The following GSE1 variants were observed in gnomAD, a reference collection of about 807,000 sequenced individuals.
GSE1 encodes the protein genetic suppressor element 1.
A neutral mutation model predicts 112.6 loss-of-function variants in GSE1; 32 were observed. The ratio of observed to expected loss-of-function variants is 0.28; its 90% CI spans 0.21 to 0.38. The LOEUF (loss-of-function observed/expected upper bound fraction) is 0.38, where lower values mean the gene tolerates loss of function less well. GSE1 is among the 10% of genes least tolerant of loss of function. The pLI, the probability that GSE1 is intolerant of heterozygous loss-of-function variation, is 1.00. For synonymous variants in GSE1, 1,115 were observed against 735.6 expected (o/e 1.52, Z -8.35); for missense variants, 2,348 against 1,699.2 (o/e 1.38, Z -6.71).
upstream of GSE1, among the ~76,000 whole-genome samples, chr16:85,609,282 A>G (rs115845196): frequency 0.024 from 3,654 of 152,300 alleles, 135 homozygotes; most frequent in African/African-American, 0.072. Context: ...TCTGTGGCTC[A>G]AGCTGGAGTG....
At chr16:85,582,707 G>C (rs2046503282) in intron 1 of GSE1, among the ~76,000 whole-genome samples, 1 of 152,108 alleles carries the variant, frequency 6.6e-6, no homozygotes, top group Non-Finnish European at 1.5e-5. Flanking sequence ...CCACGGTTCA[G>C]GGCGTCGGGG....
chr16:85,192,665 A>G (rs2074847853), intron 1 of GSE1, among the ~76,000 whole-genome samples: 1 of 152,152 alleles, frequency 6.6e-6, no homozygotes, highest in Non-Finnish European at 1.5e-5. Flanking sequence ...CTCGTCGGGC[A>G]CTGGGGAGCC....
rs557627364 is a variant in GSE1 at position 85,625,470 on chromosome 16, G to A, written c.8-8444G>A. Among the ~76,000 whole-genome samples the A allele has an allele frequency of 7.9e-4, 120 of 152,260 alleles. No homozygotes were observed. The Middle Eastern group carries it at 0.01, about 13-fold the overall frequency. On this transcript the variant is annotated intron_variant, in intron 1 of 15. Transcript: ENST00000253458. ...GCTGTCCTCAAAACTGTAGTGTGGCGTCCAACCTGGGAAGCCCCTCCAGGT... is the reference window on the plus strand; with the variant it reads ...GCTGTCCTCAAAACTGTAGTGTGGCATCCAACCTGGGAAGCCCCTCCAGGT...
intron 1 of GSE1, among the ~76,000 whole-genome samples, chr16:85,564,247 G>T (rs1478259839): frequency 6.6e-6 from 1 of 152,168 alleles, no homozygotes; most frequent in African/African-American, 2.4e-5. Flanking sequence ...GGTGAGTGAG[G>T]CTGGGAGGAA....
At chr16:85,646,031 C>T (rs542267162) in intron 2 of GSE1, among the ~76,000 whole-genome samples, 1 of 147,078 alleles carries the variant, frequency 6.8e-6, no homozygotes, top group Non-Finnish European at 1.5e-5. Flanking sequence ...GCTTTCTATG[C>T]ATGCATTCTA....
At chr16:85,580,861 C>T (rs1015297480) in intron 1 of GSE1, among the ~76,000 whole-genome samples, 1 of 152,238 alleles carries the variant, frequency 6.6e-6, no homozygotes, top group Non-Finnish European at 1.5e-5. Context: ...AGGGAGCCCT[C>T]CACGGAAATC....
upstream of GSE1, among the ~76,000 whole-genome samples, chr16:85,553,642 G>C (rs889908501): frequency 6.6e-6 from 1 of 151,954 alleles, no homozygotes; most frequent in Non-Finnish European, 1.5e-5. Flanking sequence ...CGCAGCCACC[G>C]AGCTGCTGGC....
chr16:85,635,442 G>A (rs144463411), intron 2 of GSE1, among the ~76,000 whole-genome samples: 55 of 152,320 alleles, frequency 3.6e-4, no homozygotes, highest in African/African-American at 9.9e-4. Context: ...TCAAGAGGCC[G>A]GACAGCTGCA....
At chr16:85,648,790 T>A (rs1224474733) in intron 3 of GSE1, 39 bp downstream of exon 3, 7 of 1,233,092 alleles carry the variant, frequency 5.7e-6, no homozygotes, top group Non-Finnish European at 7.9e-6. Context: ...GTCCTCTAAG[T>A]GGGGAGGCTG....
rs571048765 is a variant in GSE1 at position 85,638,443 on chromosome 16, A to T, written c.226+4311A>T. Among the ~76,000 whole-genome samples the T allele has an allele frequency of 4.6e-5, 7 of 152,296 alleles. No individual in the cohort carries two copies. In the South Asian group the frequency reaches 6.2e-4, roughly 14 times the overall value. On this transcript the variant is annotated intron_variant, in intron 2 of 15. Coordinates refer to ENST00000253458, the MANE Select transcript of GSE1 (RefSeq NM_014615.5). ...GCTGGGGCGCTTTGGGCAAGGGCAG[A>T]CGCTTGCGAATCGCCGATGCATGCC... is the stretch of plus-strand genomic sequence containing the variant.
intron 2 of GSE1, among the ~76,000 whole-genome samples, chr16:85,543,037 C>A (rs927118937): frequency 6.6e-6 from 1 of 152,086 alleles, no homozygotes. Context: ...ACCAGCCTGA[C>A]CAACATGGTG....
chr16:85,633,965 C>G lies in GSE1; in HGVS notation c.59C>G (p.Thr20Ser). 6.2e-7 allele frequency: 1 copy of G among 1,613,192 alleles called. No homozygotes were observed. The highest frequency in any genetic ancestry group is 8.5e-7 in the Non-Finnish European group (1 of 1,179,760). ...SPSLGMLSTA[T>S]RTTATVNPLT... ...TCGCTAGGGATGCTTTCCACCGCGA[C>G]CAGGACCACCGCCACCGTCAACCCC... is the stretch of plus-strand genomic sequence containing the variant. Residue 20 changes from threonine (T) to serine (S), a missense_variant, in exon 2 of 16, where the codon ACC (threonine) becomes AGC (serine). Coordinates refer to ENST00000253458, the MANE Select transcript of GSE1 (RefSeq NM_014615.5).
intron 2 of GSE1, among the ~76,000 whole-genome samples, chr16:85,481,766 G>A (rs2050688076): frequency 6.6e-6 from 1 of 152,228 alleles, no homozygotes; most frequent in African/African-American, 2.4e-5. Flanking sequence ...GGCACTTTGG[G>A]AGATGTGGTG....
intron 2 of GSE1, among the ~76,000 whole-genome samples, chr16:85,642,882 C>T (rs1056936417): frequency 3.3e-5 from 5 of 152,134 alleles, no homozygotes. Context: ...CTGGTCAGGG[C>T]CTGTGGCTTT....
At chr16:85,611,595 C>A, upstream of GSE1, 1 of 573,886 alleles carries the variant, frequency 1.7e-6, no homozygotes, top group Non-Finnish European at 2.2e-6. Flanking sequence ...TTGTGGTCTG[C>A]CCGGAGCCTT....
At chr16:85,389,459 C>CAA (rs1195698031) in intron 2 of GSE1, among the ~76,000 whole-genome samples, 1 of 96,236 alleles carries the variant, frequency 1.0e-5, no homozygotes, top group Non-Finnish European at 2.1e-5. Flanking sequence ...GACTCTGTCT[C>CAA]CAAAAAAAAA....
At chr16:85,200,582 A>C (rs1296829887) in intron 1 of GSE1, among the ~76,000 whole-genome samples, 1 of 152,016 alleles carries the variant, frequency 6.6e-6, no homozygotes, top group African/African-American at 2.4e-5. Context: ...TTAACACCGG[A>C]TGACGTGTTT....
intron 1 of GSE1, among the ~76,000 whole-genome samples, chr16:85,206,159 G>A (rs2075111528): frequency 4.0e-5 from 6 of 151,794 alleles, no homozygotes. Context: ...GGAGTGAACC[G>A]GGCACGGGAA....
chr16:85,301,057 TG>T (rs1391329617), intron 1 of GSE1, among the ~76,000 whole-genome samples: 1 of 152,186 alleles, frequency 6.6e-6, no homozygotes, highest in Non-Finnish European at 1.5e-5. Context: ...AATTCCCCTG[TG>T]GTTGCACCTA....
Sources: allele counts gnomAD v4.1 joint callset (sites outside exome capture counted in the v4.1 genomes callset), GRCh38; gene constraint gnomAD v4.1.1; transcripts MANE v1.5; gene names NCBI Gene and HGNC (gene_info 2026-07-23, HGNC 2026-07-21).